PSD3: variants seen among roughly 807,000 people sequenced by gnomAD.
PSD3 encodes PH and SEC7 domain-containing protein 3.
Under a neutral mutation model 105.5 loss-of-function variants are expected in PSD3, and 49 were observed. The observed-to-expected ratio is 0.46, with a 90% CI of 0.37 to 0.59. PSD3 has a LOEUF of 0.59. Among genes scored for constraint, PSD3 ranks in the 20% least tolerant of loss-of-function variants. The pLI is 0.00. For synonymous variants in PSD3, 557 were observed against 457.8 expected (o/e 1.22, Z -2.77); for missense variants, 1,561 against 1,263.8 (o/e 1.24, Z -3.57).
At position 18,572,928 on chromosome 8, in the gene PSD3, T is replaced by C. The variant is rs184343832; in HGVS notation, c.2640-256A>G. Among the ~76,000 whole-genome samples, 834 of 152,218 alleles carry C rather than the reference T, an allele frequency of 5.5e-3. 3 individuals are homozygous for C. Among genetic ancestry groups the C allele is most frequent in the East Asian group, 0.011 (56 of 5,174 alleles). The stretch of plus-strand genomic sequence containing the variant: ...GGGAAAAAAGAGAAACACTTGACAA[T>C]AAATATTGATTAAACCCCTACTTTC... On this transcript the variant is annotated intron_variant, in intron 13 of 15. Coordinates refer to ENST00000327040, the MANE Select transcript of PSD3 (RefSeq NM_015310.4).
intron 9 of PSD3, among the ~76,000 whole-genome samples, chr8:18,744,203 T>C (rs1804805077): frequency 6.6e-6 from 1 of 152,242 alleles, no homozygotes; most frequent in Admixed American, 6.5e-5. Flanking sequence ...TATCATCCTG[T>C]AGGCTTTACA....
At chr8:19,049,232 G>A (rs1183320645) in intron 1 of PSD3, among the ~76,000 whole-genome samples, 1 of 152,148 alleles carries the variant, frequency 6.6e-6, no homozygotes, top group Non-Finnish European at 1.5e-5. Flanking sequence ...CCCATAATAG[G>A]CTCCAAAAGG....
intron 9 of PSD3, among the ~76,000 whole-genome samples, chr8:18,734,697 C>T (rs928317817): frequency 2.6e-5 from 4 of 152,170 alleles, no homozygotes; most frequent in Non-Finnish European, 5.9e-5. Context: ...GTTTTCTAAA[C>T]GATGAGGTGA....
chr8:18,976,947 G>GA (rs1192061355), intron 1 of PSD3, among the ~76,000 whole-genome samples: 1 of 152,174 alleles, frequency 6.6e-6, no homozygotes, highest in South Asian at 2.1e-4. Context: ...TGCTGATAGA[G>GA]AAAGATTTTT....
intron 13 of PSD3, 74 bp downstream of exon 13, chr8:18,575,054 G>A: frequency 6.9e-7 from 1 of 1,450,974 alleles, no homozygotes; most frequent in Non-Finnish European, 9.2e-7. Context: ...TGCAGAGCTT[G>A]ATTTTGTTCC....
chr8:18,942,695 T>C (rs1396126607), intron 1 of PSD3, among the ~76,000 whole-genome samples: 1 of 152,332 alleles, frequency 6.6e-6, no homozygotes, highest in South Asian at 2.1e-4. Context: ...GGTGGCCATC[T>C]GCAAGACAAA....
intron 1 of PSD3, among the ~76,000 whole-genome samples, chr8:19,064,990 C>G (rs1212816622): frequency 6.6e-6 from 1 of 152,162 alleles, no homozygotes; most frequent in Admixed American, 6.5e-5. Context: ...CTAAGTGCCA[C>G]ATAATTAAAC....
At chr8:18,913,611 G>A (rs574725747) in intron 2 of PSD3, among the ~76,000 whole-genome samples, 16 of 151,972 alleles carry the variant, frequency 1.1e-4, no homozygotes, top group African/African-American at 2.9e-4. Context: ...AAGCTGCCAC[G>A]AACCCAGGAC....
intron 12 of PSD3, among the ~76,000 whole-genome samples, chr8:18,593,011 G>T (rs975410712): frequency 6.6e-6 from 1 of 152,102 alleles, no homozygotes; most frequent in Non-Finnish European, 1.5e-5. Context: ...ACCTAAAACC[G>T]TAACAACCCT....
intron 1 of PSD3, among the ~76,000 whole-genome samples, chr8:19,051,040 T>G (rs1828510269): frequency 1.3e-5 from 2 of 152,150 alleles, no homozygotes; most frequent in South Asian, 4.1e-4. Context: ...CCAATTCTAG[T>G]GCTCTTCCAA....
At chr8:19,063,514 G>A (rs975338684) in intron 1 of PSD3, among the ~76,000 whole-genome samples, 5 of 152,096 alleles carry the variant, frequency 3.3e-5, no homozygotes, top group African/African-American at 4.8e-5. Flanking sequence ...ACACAACCCC[G>A]CGATCTGATT....
chr8:18,743,408 T>C (rs184725591), intron 9 of PSD3, among the ~76,000 whole-genome samples: 8 of 152,262 alleles, frequency 5.3e-5, no homozygotes, highest in Admixed American at 6.5e-5. Flanking sequence ...TGGTCCTCTT[T>C]AGAAAATGTT....
chr8:18,654,917 T>C lies in PSD3; in HGVS notation c.2216+725A>G, dbSNP rs1808778953. Among the ~76,000 whole-genome samples, 4 of 152,158 alleles carry C rather than the reference T, an allele frequency of 2.6e-5. No individual in the cohort carries two copies. In the South Asian group the frequency reaches 8.3e-4, roughly 31 times the overall value. ...AAACCTGGAAAGCCATGATCTATGATGATAGGAAGGAGATAATTAAAATAA... is the reference window on the plus strand; with the variant it reads ...AAACCTGGAAAGCCATGATCTATGACGATAGGAAGGAGATAATTAAAATAA... On this transcript the variant is annotated intron_variant, in intron 10 of 15. Transcript: ENST00000327040.
chr8:18,642,115 G>A (rs1807690989), intron 10 of PSD3, among the ~76,000 whole-genome samples: 1 of 152,132 alleles, frequency 6.6e-6, no homozygotes, highest in South Asian at 2.1e-4. Flanking sequence ...TAGTAACTTG[G>A]CTTTCTAAAT....
intron 2 of PSD3, among the ~76,000 whole-genome samples, chr8:18,886,263 T>C (rs976499497): frequency 2.0e-5 from 3 of 152,014 alleles, no homozygotes; most frequent in African/African-American, 7.2e-5. Flanking sequence ...AAAATAAAAA[T>C]TTTGAAAAAC....
intron 2 of PSD3, among the ~76,000 whole-genome samples, chr8:18,894,885 G>C (rs572982901): frequency 2.0e-5 from 3 of 152,284 alleles, no homozygotes; most frequent in African/African-American, 4.8e-5. Flanking sequence ...CTCATGTTTT[G>C]AATGAAAGGG....
intron 9 of PSD3, among the ~76,000 whole-genome samples, chr8:18,709,618 G>A (rs933700243): frequency 6.6e-6 from 1 of 152,160 alleles, no homozygotes; most frequent in African/African-American, 2.4e-5. Context: ...TGTCCCTCTA[G>A]GACAGAGTTC....
intron 2 of PSD3, among the ~76,000 whole-genome samples, chr8:18,882,006 A>C (rs1160482326): frequency 1.3e-5 from 2 of 152,128 alleles, no homozygotes; most frequent in Non-Finnish European, 2.9e-5. Context: ...TCAGGAGTTC[A>C]AGACCATCCT....
At chr8:18,986,394 T>G (rs933816184) in intron 1 of PSD3, among the ~76,000 whole-genome samples, 21 of 152,158 alleles carry the variant, frequency 1.4e-4, no homozygotes, top group Admixed American at 1.2e-3. Flanking sequence ...TGTTTCTGAT[T>G]TAATTCCCAG....
Sources: gnomAD v4.1 joint callset for allele counts (sites outside exome capture counted in the v4.1 genomes callset) on GRCh38, gnomAD v4.1.1 for gene constraint, MANE v1.5 for transcripts, NCBI Gene and HGNC (gene_info 2026-07-23, HGNC 2026-07-21) for gene names.